CCDC3: variants seen among roughly 807,000 people sequenced by gnomAD.
The protein encoded by CCDC3 is coiled-coil domain-containing protein 3.
In CCDC3, 24 loss-of-function variants were observed where a neutral mutation model predicts 21.4. That is an observed-to-expected ratio of 1.12 (90% confidence interval 0.81 to 1.58). The LOEUF (loss-of-function observed/expected upper bound fraction) is 1.58, where lower values mean the gene tolerates loss of function less well. CCDC3 is among the 40% of genes most tolerant of loss of function. The pLI is 0.00. For missense variants in CCDC3, 425 were observed against 360.9 expected, an observed-to-expected ratio of 1.18 and a Z score of -1.44; for synonymous variants, 186 against 166.0, an observed-to-expected ratio of 1.12 and a Z score of -0.93.
chr10:13,034,298 C>T (rs932900417), intron 5 of CCDC3, among the ~76,000 whole-genome samples: 1 of 135,820 alleles, frequency 7.4e-6, no homozygotes, highest in Non-Finnish European at 1.5e-5. Flanking sequence ...ACAATGAGAA[C>T]ACTTGGACAC....
Position 13,001,437 on chromosome 10 carries a change from T to C in CCDC3, c.134A>G (p.Tyr45Cys), listed in dbSNP as rs1259442848. 1 of 1,513,302 alleles carries C rather than the reference T, an allele frequency of 6.6e-7. No individual in the cohort carries two copies. Among genetic ancestry groups the C allele is most frequent in the Non-Finnish European group, 8.9e-7 (1 of 1,128,530 alleles). 93.7% of individuals were successfully genotyped at this position (1,513,302 alleles called of 1,614,324 possible). ...GGGGTGCAGCGCCAGCACCCTGGCGTACACGATGGTCTCGGCCAGCTCGGC... is the reference window on the plus strand; with the variant it reads ...GGGGTGCAGCGCCAGCACCCTGGCGCACACGATGGTCTCGGCCAGCTCGGC... ...CRAELAETIV[Y>C]ARVLALHPEA... Residue 45 changes from tyrosine to cysteine, a missense_variant, in exon 1 of 3, where the codon TAC becomes TGC. By Grantham distance (194) the Tyr-to-Cys change is radical. Coordinates refer to ENST00000378825, the MANE Select transcript of CCDC3 (RefSeq NM_031455.4).
At chr10:12,972,733 C>G (rs1238515615) in intron 2 of CCDC3, among the ~76,000 whole-genome samples, 1 of 152,100 alleles carries the variant, frequency 6.6e-6, no homozygotes, top group East Asian at 1.9e-4. Context: ...ATGAGAATCT[C>G]TTGAACCCGG....
At chr10:13,085,418 A>G (rs1837090422) in intron 3 of CCDC3, among the ~76,000 whole-genome samples, 1 of 152,224 alleles carries the variant, frequency 6.6e-6, no homozygotes, top group Non-Finnish European at 1.5e-5. Context: ...TTACATGCCC[A>G]TTGAATTTAA....
upstream of CCDC3, among the ~76,000 whole-genome samples, chr10:13,003,228 T>C (rs1835880326): frequency 6.6e-6 from 1 of 152,244 alleles, no homozygotes; most frequent in South Asian, 2.1e-4. Flanking sequence ...TAAACCTTAG[T>C]CATTGTTGAC....
chr10:13,054,313 G>A (rs375137990), intron 4 of CCDC3, among the ~76,000 whole-genome samples: 8 of 152,134 alleles, frequency 5.3e-5, no homozygotes, highest in African/African-American at 1.9e-4. Context: ...TGCCTGAACT[G>A]GTTTTGCTCC....
chr10:12,972,609 G>C (rs1200485391), intron 2 of CCDC3, among the ~76,000 whole-genome samples: 2 of 152,158 alleles, frequency 1.3e-5, no homozygotes, highest in Admixed American at 1.3e-4. Context: ...CTGAGGTTAG[G>C]AGTTCAAGAC....
chr10:12,995,489 A>C (rs985122283), intron 2 of CCDC3, among the ~76,000 whole-genome samples: 2 of 152,130 alleles, frequency 1.3e-5, no homozygotes, highest in African/African-American at 2.4e-5. Context: ...TGATCCGCCG[A>C]CCTCGGCCTC....
chr10:12,943,195 T>C (rs1834860945), intron 2 of CCDC3, among the ~76,000 whole-genome samples: 1 of 152,190 alleles, frequency 6.6e-6, no homozygotes, highest in Admixed American at 6.5e-5. Context: ...TCTAGGATAA[T>C]CTTTGGTTAA....
chr10:13,078,063 T>C (rs1836987598), intron 3 of CCDC3, among the ~76,000 whole-genome samples: 1 of 151,942 alleles, frequency 6.6e-6, no homozygotes, highest in Non-Finnish European at 1.5e-5. Context: ...ACCATCAGAG[T>C]GAACAGGCAA....
intron 1 of CCDC3, among the ~76,000 whole-genome samples, chr10:13,000,789 C>T (rs1835835707): frequency 6.6e-6 from 1 of 152,140 alleles, no homozygotes; most frequent in Admixed American, 6.5e-5. Flanking sequence ...GAAATGCGCT[C>T]AGAATCACGG....
At chr10:12,984,097 A>C (rs1002579019) in intron 2 of CCDC3, among the ~76,000 whole-genome samples, 3 of 152,188 alleles carry the variant, frequency 2.0e-5, no homozygotes, top group Non-Finnish European at 4.4e-5. Context: ...ACAAACAAAC[A>C]AAAAACCCAC....
intron 5 of CCDC3, among the ~76,000 whole-genome samples, chr10:13,010,731 A>G (rs1451647527): frequency 7.2e-5 from 11 of 152,206 alleles, no homozygotes; most frequent in Admixed American, 5.2e-4. Flanking sequence ...AGGTACATGA[A>G]AAAATAAACC....
At position 12,955,842 on chromosome 10, in the gene CCDC3, C is replaced by A. The variant is rs537967498; in HGVS notation, c.549+42496G>T. On this transcript the variant is annotated intron_variant, in intron 2 of 2. Coordinates refer to ENST00000378825, the MANE Select transcript of CCDC3 (RefSeq NM_031455.4). ...ACTGCAACCTCAGCCTCCCAAGTAA[C>A]TGGGATTACAAGCATGTGCCACCTG... 2.6e-5 allele frequency among the ~76,000 whole-genome samples: 4 copies of A among 152,240 alleles called. No homozygotes were observed. The South Asian group carries it at 8.3e-4, about 32-fold the overall frequency.
intron 5 of CCDC3, among the ~76,000 whole-genome samples, chr10:13,036,082 C>T (rs1018037856): frequency 3.3e-5 from 5 of 151,880 alleles, no homozygotes; most frequent in African/African-American, 9.7e-5. Context: ...AGGTGGAGAA[C>T]GCAGTGAGCC....
intron 2 of CCDC3, among the ~76,000 whole-genome samples, chr10:12,995,086 G>GAA (rs11355303): frequency 1.0e-4 from 14 of 140,146 alleles, no homozygotes; most frequent in African/African-American, 3.4e-4. Context: ...CATCTCAAAA[G>GAA]AAAAAAAAAA....
In CCDC3 at chr10:13,018,886, G is replaced by A. The variant is rs562176958; in HGVS notation, c.-1-20374C>T. Among the ~76,000 whole-genome samples the A allele has an allele frequency of 1.1e-4, 17 of 150,944 alleles. 2 individuals are homozygous for A. Among genetic ancestry groups the A allele is most frequent in the South Asian group, 4.2e-4 (2 of 4,754 alleles). ...GGGAGGTGGAGGTTTGCAGTGAGCC[G>A]AGATCATGCCGTTGCACTCCAGCCT... On this transcript the variant is annotated intron_variant, in intron 5 of 6. Transcript: ENST00000378839.
intron 2 of CCDC3, among the ~76,000 whole-genome samples, chr10:12,912,419 G>A (rs571266406): frequency 1.9e-4 from 29 of 152,228 alleles, no homozygotes; most frequent in South Asian, 1.2e-3. Context: ...TTTGTATGTC[G>A]TCTTTCTAGA....
In CCDC3 at chr10:12,901,832, C is replaced by A. The variant is rs75518818; in HGVS notation, c.550-3153G>T. Among the ~76,000 whole-genome samples the A allele has an allele frequency of 6.1e-3, 926 of 152,328 alleles. 11 individuals are homozygous for A. Among genetic ancestry groups the A allele is most frequent in the African/African-American group, 0.021 (879 of 41,582 alleles). On this transcript the variant is annotated intron_variant, in intron 2 of 2. Coordinates refer to ENST00000378825, the MANE Select transcript of CCDC3 (RefSeq NM_031455.4). ...CTTCCTTCTGTTCCCACATTTTATA[C>A]CCAAGGCACACTGGGTCCCACCCAG...
chr10:13,090,132 A>G (rs1832547565), intron 3 of CCDC3, among the ~76,000 whole-genome samples: 1 of 136,862 alleles, frequency 7.3e-6, no homozygotes, highest in African/African-American at 2.8e-5. Context: ...TTCTGTCACC[A>G]GGCTGGAGTG....
Sources: allele counts gnomAD v4.1 joint callset (sites outside exome capture counted in the v4.1 genomes callset), GRCh38; gene constraint gnomAD v4.1.1; transcripts MANE v1.5; gene names NCBI Gene and HGNC (gene_info 2026-07-23, HGNC 2026-07-21).